BACH2: variants seen among roughly 807,000 people sequenced by gnomAD.
BACH2 encodes transcription regulator protein BACH2.
BACH2 carries 5 observed loss-of-function variants against 61.8 expected under a neutral mutation model. The observed-to-expected ratio is 0.08, with a 90% CI of 0.04 to 0.17. BACH2 has a LOEUF of 0.17. BACH2 is among the 10% of genes least tolerant of loss of function. BACH2 has a pLI of 1.00. For synonymous variants in BACH2, 446 were observed against 440.1 expected (o/e 1.01, Z -0.17); for missense variants, 824 against 1,091.1 (o/e 0.76, Z 3.45).
chr6:89,970,804 C>T (rs1182167647), intron 6 of BACH2, among the ~76,000 whole-genome samples: 2 of 152,056 alleles, frequency 1.3e-5, no homozygotes, highest in African/African-American at 4.8e-5. Context: ...TATGCTCTGG[C>T]TGAAAGACAG....
intron 6 of BACH2, chr6:90,001,411 G>C (rs1321480692): frequency 6.6e-6 from 1 of 152,210 alleles, no homozygotes; most frequent in Non-Finnish European, 1.5e-5. Context: ...GGAGCAGTGA[G>C]GGAGGGAAAC....
At chr6:90,186,601 A>C (rs1408100632) in intron 4 of BACH2, among the ~76,000 whole-genome samples, 2 of 152,174 alleles carry the variant, frequency 1.3e-5, no homozygotes, top group Non-Finnish European at 2.9e-5. Context: ...TAAAATATGC[A>C]GGAAATGTGA....
intron 4 of BACH2, among the ~76,000 whole-genome samples, chr6:90,151,844 T>C (rs1161566723): frequency 1.3e-5 from 2 of 152,214 alleles, no homozygotes; most frequent in African/African-American, 4.8e-5. Flanking sequence ...CCTATGTCTT[T>C]ATAGTTCAGA....
chr6:90,022,627 T>C (rs1778438383), intron 5 of BACH2, among the ~76,000 whole-genome samples: 1 of 152,174 alleles, frequency 6.6e-6, no homozygotes, highest in African/African-American at 2.4e-5. Context: ...AAATGGAGAG[T>C]CACAGTCTGA....
chr6:90,149,275 G>A (rs1784729778), intron 4 of BACH2, among the ~76,000 whole-genome samples: 1 of 152,216 alleles, frequency 6.6e-6, no homozygotes, highest in Non-Finnish European at 1.5e-5. Context: ...AAAGGCTCAT[G>A]TTTACTCATG....
intron 4 of BACH2, among the ~76,000 whole-genome samples, chr6:90,181,422 AGAG>A (rs1274897306): frequency 3.3e-5 from 5 of 152,098 alleles, no homozygotes; most frequent in Middle Eastern, 6.8e-3. Context: ...AGAAGGGAAA[AGAG>A]GAGGAGAGTG....
chr6:90,102,358 C>A (rs1782670628), intron 4 of BACH2, among the ~76,000 whole-genome samples: 1 of 152,116 alleles, frequency 6.6e-6, no homozygotes, highest in Non-Finnish European at 1.5e-5. Flanking sequence ...TCCAGCCTAT[C>A]CCTAAAGTCT....
At chr6:90,025,626 A>C (rs151098276) in intron 5 of BACH2, among the ~76,000 whole-genome samples, 125 of 152,304 alleles carry the variant, frequency 8.2e-4, no homozygotes, top group African/African-American at 2.9e-3. Context: ...CCAGAGAAAT[A>C]TTACCCTAGA....
At chr6:90,243,767 T>A (rs1384839778) in intron 3 of BACH2, among the ~76,000 whole-genome samples, 1 of 152,212 alleles carries the variant, frequency 6.6e-6, no homozygotes, top group Non-Finnish European at 1.5e-5. Flanking sequence ...TTTTTCCTCA[T>A]GAACAGGTCT....
At chr6:90,080,096 A>G (rs992667918) in intron 5 of BACH2, among the ~76,000 whole-genome samples, 9 of 152,090 alleles carry the variant, frequency 5.9e-5, no homozygotes, top group African/African-American at 2.2e-4. Context: ...AATGTACCCA[A>G]AAACTTTTCT....
chr6:89,981,969 ATTTC>A (rs1235647442), intron 6 of BACH2, among the ~76,000 whole-genome samples: 1 of 151,566 alleles, frequency 6.6e-6, no homozygotes, highest in Non-Finnish European at 1.5e-5. Context: ...GTTGCTAGAG[ATTTC>A]TTTCTTTTTT....
rs140465416 is a variant in BACH2 at position 89,950,503 on chromosome 6, C to T, written c.1603G>A (p.Gly535Ser). The T allele has an allele frequency of 1.2e-6, 2 of 1,613,920 alleles. No homozygotes were observed. The highest frequency in any genetic ancestry group is 1.7e-6 in the Non-Finnish European group (2 of 1,179,882). The change falls in exon 7 of 9, where the codon GGC becomes AGC. Residue 535 changes from glycine (G) to serine (S), a missense_variant. Transcript: ENST00000257749. The surrounding 1 kb of genome is among the most constrained non-coding windows in gnomAD (Gnocchi z 5.3). ...CAGAGAGGGAGGCTGCAGGGTGAGC[C>T]CCCGCTCCCGTCCTCCGCGTAGGAA... ...SYSYAEDGSG[G>S]SPCSLPLCEF...
At position 90,088,991 on chromosome 6, in the gene BACH2, C is replaced by T. The variant is rs924339862; in HGVS notation, c.-43G>A. ...ATTTTTCCAGGTCCTGTGCTGCCTT[C>T]GAGTCTTAGGATGCAGGGAACTGGG... On this transcript the variant is annotated 5_prime_UTR_variant, in exon 5 of 9. Coordinates refer to ENST00000257749, the MANE Select transcript of BACH2 (RefSeq NM_021813.4). The T allele has an allele frequency of 3.3e-5, 5 of 152,248 alleles. No homozygotes were observed. The highest frequency in any genetic ancestry group is 7.3e-5 in the Non-Finnish European group (5 of 68,032). 9.4% of individuals were successfully genotyped at this position (152,248 alleles called of 1,614,324 possible).
chr6:89,988,569 A>G (rs1694595323), intron 6 of BACH2, among the ~76,000 whole-genome samples: 1 of 152,204 alleles, frequency 6.6e-6, no homozygotes, highest in Admixed American at 6.5e-5. Context: ...TAATCTCAGA[A>G]TCTTTGCTAA....
chr6:90,048,849 G>A (rs1272460284), intron 5 of BACH2, among the ~76,000 whole-genome samples: 1 of 152,176 alleles, frequency 6.6e-6, no homozygotes, highest in Non-Finnish European at 1.5e-5. Flanking sequence ...GCTGAAGGAT[G>A]TAAGTTAAAT....
At chr6:90,256,702 A>AT (rs2127873196) in intron 2 of BACH2, among the ~76,000 whole-genome samples, 1 of 152,326 alleles carries the variant, frequency 6.6e-6, no homozygotes, top group Admixed American at 6.5e-5. Flanking sequence ...TAAAAAGGTT[A>AT]CTGTAGTGAA....
intron 5 of BACH2, among the ~76,000 whole-genome samples, chr6:90,011,436 CCTTG>C (rs923875824): frequency 2.7e-5 from 4 of 148,310 alleles, no homozygotes; most frequent in South Asian, 4.3e-4. Flanking sequence ...TGGAGACAAA[CCTTG>C]CTTATTTGTA....
intron 8 of BACH2, among the ~76,000 whole-genome samples, chr6:89,937,185 G>T (rs1773076825): frequency 6.6e-6 from 1 of 152,126 alleles, no homozygotes; most frequent in Non-Finnish European, 1.5e-5. Flanking sequence ...CCTTGAGGCA[G>T]AACTGCAAAA....
chr6:90,180,739 C>A (rs1009664689), intron 4 of BACH2, among the ~76,000 whole-genome samples: 1 of 152,060 alleles, frequency 6.6e-6, no homozygotes, highest in Non-Finnish European at 1.5e-5. Context: ...GTATTCCATA[C>A]TGTGTGAATG....
Sources: allele counts gnomAD v4.1 joint callset (sites outside exome capture counted in the v4.1 genomes callset), GRCh38; gene constraint gnomAD v4.1.1; non-coding constraint Gnocchi (gnomAD v3.1); transcripts MANE v1.5; gene names NCBI Gene and HGNC (gene_info 2026-07-23, HGNC 2026-07-21).